PSKH1: variants seen among roughly 807,000 people sequenced by gnomAD.
PSKH1 encodes protein serine kinase H1.
A neutral mutation model predicts 26.7 loss-of-function variants in PSKH1; 12 were observed. The observed-to-expected ratio is 0.45, with a 90% CI of 0.29 to 0.73. The LOEUF is 0.73. Among genes scored for constraint, PSKH1 ranks in the 30% least tolerant of loss-of-function variants. The pLI is 0.11. For missense variants in PSKH1, 431 were observed against 595.2 expected, an observed-to-expected ratio of 0.72 and a Z score of 2.87; for synonymous variants, 213 against 234.3, an observed-to-expected ratio of 0.91 and a Z score of 0.83.
At chr16:67,904,826 T>A (rs1408256741) in intron 1 of PSKH1, among the ~76,000 whole-genome samples, 1 of 148,306 alleles carries the variant, frequency 6.7e-6, no homozygotes, top group African/African-American at 2.5e-5. Flanking sequence ...TTTTAATTTT[T>A]TTTTTTTTTT....
chr16:67,920,802 T>G (rs915324320), intron 2 of PSKH1, among the ~76,000 whole-genome samples: 6 of 152,228 alleles, frequency 3.9e-5, no homozygotes, highest in African/African-American at 1.4e-4. Context: ...TGCTCCCTTG[T>G]GGCCCAGCCA....
intron 2 of PSKH1, among the ~76,000 whole-genome samples, chr16:67,910,445 C>G (rs948527997): frequency 6.6e-6 from 1 of 152,184 alleles, no homozygotes; most frequent in Non-Finnish European, 1.5e-5. Flanking sequence ...ATGAGGACCT[C>G]GTGTGTCCAG....
chr16:67,908,884 T>C lies in PSKH1; in HGVS notation c.135T>C (p.Val45=). 6.2e-7 allele frequency: 1 copy of C among 1,614,166 alleles called. No homozygotes were observed. The highest frequency in any genetic ancestry group is 8.5e-7 in the Non-Finnish European group (1 of 1,180,038). Residue 45 remains valine, a synonymous_variant, in exon 2 of 3, where the codon GTT becomes GTC. Transcript: ENST00000291041. ...YKHFITEVDS[V]GPVKAGFPAA... The stretch of plus-strand genomic sequence containing the variant: ...ACTTCATCACAGAGGTGGACAGTGT[T>C]GGCCCTGTCAAAGCCGGGTTCCCAG...
chr16:67,916,269 T>C (rs1006707947), intron 2 of PSKH1, among the ~76,000 whole-genome samples: 1 of 152,032 alleles, frequency 6.6e-6, no homozygotes, highest in African/African-American at 2.4e-5. Context: ...CACCAGCGAG[T>C]GTCTCGTGGT....
chr16:67,901,368 A>G (rs1274750013), intron 1 of PSKH1, among the ~76,000 whole-genome samples: 2 of 152,140 alleles, frequency 1.3e-5, no homozygotes, highest in African/African-American at 2.4e-5. Context: ...GTTTCGCTCT[A>G]TCGCCCAGGC....
At chr16:67,926,081 C>G (rs1290966786) in intron 2 of PSKH1, among the ~76,000 whole-genome samples, 1 of 152,104 alleles carries the variant, frequency 6.6e-6, no homozygotes, top group African/African-American at 2.4e-5. Context: ...GTGGAACAGG[C>G]AGACCTCACC....
chr16:67,925,574 A>G (rs1339954039), intron 2 of PSKH1, among the ~76,000 whole-genome samples: 2 of 151,952 alleles, frequency 1.3e-5, no homozygotes, highest in Non-Finnish European at 2.9e-5. Context: ...GCGCCCACCC[A>G]CAGCCCTTGG....
At position 67,898,864 on chromosome 16, in the gene PSKH1, G is replaced by A. The variant is rs1449791676; in HGVS notation, c.-71+5493G>A. Among the ~76,000 whole-genome samples the A allele has an allele frequency of 2.6e-5, 4 of 152,032 alleles. No homozygotes were observed. In the East Asian group the frequency reaches 5.8e-4, roughly 22 times the overall value. ...TCTTGAACTCCTGACCTCGTGATCCGCCTGCCTCAGCCTCCCAAAGTGCTG... is the reference window on the plus strand; with the variant it reads ...TCTTGAACTCCTGACCTCGTGATCCACCTGCCTCAGCCTCCCAAAGTGCTG... On this transcript the variant is annotated intron_variant, in intron 1 of 2. Transcript: ENST00000291041.
At chr16:67,911,212 G>A (rs1850109266) in intron 2 of PSKH1, among the ~76,000 whole-genome samples, 1 of 152,202 alleles carries the variant, frequency 6.6e-6, no homozygotes, top group Non-Finnish European at 1.5e-5. Context: ...CTTCTAGGGG[G>A]CTCCCCATAG....
At chr16:67,898,241 A>G (rs908049326) in intron 1 of PSKH1, among the ~76,000 whole-genome samples, 3 of 149,920 alleles carry the variant, frequency 2.0e-5, no homozygotes, top group South Asian at 4.5e-4. Context: ...CCTGGGCAAC[A>G]TGGTGAAACC....
intron 2 of PSKH1, among the ~76,000 whole-genome samples, chr16:67,915,572 A>G (rs1397029019): frequency 1.3e-5 from 2 of 152,112 alleles, no homozygotes; most frequent in African/African-American, 4.8e-5. Flanking sequence ...GTGCATAAAC[A>G]TCAGGAGTCT....
At position 67,893,305 on chromosome 16, in the gene PSKH1, C is replaced by CGCT. The variant is rs1436241891; in HGVS notation, c.-134_-132dup. Reference sequence around the variant, plus strand: ...CGGCGGCGGCGGCGGCGGCGGCGGCCGCTGCCATTGCCCGGAGATGGCCGG... The same window carrying CGCT: ...CGGCGGCGGCGGCGGCGGCGGCGGCCGCTGCTGCCATTGCCCGGAGATGGCCGG... On this transcript the variant is annotated 5_prime_UTR_variant, in exon 1 of 3. Transcript: ENST00000291041. 6.3e-6 allele frequency: 1 copy of CGCT among 159,958 alleles called. No homozygotes were observed. The highest frequency in any genetic ancestry group is 1.8e-4 in the East Asian group (1 of 5,586). The allele number at this position is 159,958 out of a possible 1,614,324, so 9.9% of individuals were successfully genotyped here. A position where few individuals can be genotyped will look rare whatever the true frequency, so the allele number is the denominator to read the frequency against.
chr16:67,900,953 T>A (rs1195493465), intron 1 of PSKH1, among the ~76,000 whole-genome samples: 1 of 152,134 alleles, frequency 6.6e-6, no homozygotes, highest in South Asian at 2.1e-4. Flanking sequence ...GCTCTGCTCT[T>A]CTTCCTAGGA....
At position 67,905,244 on chromosome 16, in the gene PSKH1, C is replaced by T. The variant is rs1567398244; in HGVS notation, c.-70-3436C>T. Reference sequence around the variant, plus strand: ...CCTTTCGTAGCTCTCCTTCACTTCCCAGGAAGGTCCTGGTCCTCACTTGTG... The same window carrying T: ...CCTTTCGTAGCTCTCCTTCACTTCCTAGGAAGGTCCTGGTCCTCACTTGTG... On this transcript the variant is annotated intron_variant, in intron 1 of 2. Coordinates refer to ENST00000291041, the MANE Select transcript of PSKH1 (RefSeq NM_006742.3). Among the ~76,000 whole-genome samples the T allele has an allele frequency of 3.3e-5, 5 of 152,156 alleles. No homozygotes were observed. In the South Asian group the frequency reaches 1.0e-3, roughly 32 times the overall value.
chr16:67,912,592 G>T (rs1340000787), intron 2 of PSKH1, among the ~76,000 whole-genome samples: 1 of 152,202 alleles, frequency 6.6e-6, no homozygotes, highest in African/African-American at 2.4e-5. Flanking sequence ...CTCCCAGCCG[G>T]GTACGGTGGC....
intron 1 of PSKH1, among the ~76,000 whole-genome samples, chr16:67,904,484 A>C (rs1004525229): frequency 2.0e-5 from 3 of 151,976 alleles, no homozygotes; most frequent in African/African-American, 7.3e-5. Context: ...GATTACAGGC[A>C]TGAGCCACCG....
At position 67,908,907 on chromosome 16, in the gene PSKH1, C is replaced by T. The variant is rs1207190109; in HGVS notation, c.158C>T (p.Pro53Leu). The T allele has an allele frequency of 1.2e-6, 2 of 1,614,146 alleles. No individual in the cohort carries two copies. The highest frequency in any genetic ancestry group is 1.7e-5 in the Admixed American group (1 of 60,016). Reference sequence around the variant, plus strand: ...GTTGGCCCTGTCAAAGCCGGGTTCCCAGCAGCAAGTCAGTATGCACACCCC... The same window carrying T: ...GTTGGCCCTGTCAAAGCCGGGTTCCTAGCAGCAAGTCAGTATGCACACCCC... ...DSVGPVKAGFPAASQYAHPCP... is the reference protein window; with the variant it reads ...DSVGPVKAGFLAASQYAHPCP... The change falls in exon 2 of 3, where the codon CCA becomes CTA. Residue 53 changes from proline (P) to leucine (L), a missense_variant. Transcript: ENST00000291041.
intron 1 of PSKH1, among the ~76,000 whole-genome samples, chr16:67,906,502 A>G (rs2058156426): frequency 6.6e-6 from 1 of 151,926 alleles, no homozygotes; most frequent in South Asian, 2.1e-4. Flanking sequence ...AGCTGGGGTT[A>G]CAGGTGTGCA....
At chr16:67,904,428 A>G (rs2058150285) in intron 1 of PSKH1, among the ~76,000 whole-genome samples, 1 of 150,934 alleles carries the variant, frequency 6.6e-6, no homozygotes, top group Middle Eastern at 3.4e-3. Context: ...CTGGTCTCGA[A>G]CTCCTGACCT....
Sources: gnomAD v4.1 joint callset for allele counts (sites outside exome capture counted in the v4.1 genomes callset) on GRCh38, gnomAD v4.1.1 for gene constraint, MANE v1.5 for transcripts, NCBI Gene and HGNC (gene_info 2026-07-23, HGNC 2026-07-21) for gene names.